The following KCNN2 variants were observed in gnomAD, a reference collection of about 807,000 sequenced individuals.
KCNN2 encodes potassium calcium-activated channel subfamily N member 2.
A neutral mutation model predicts 55.5 loss-of-function variants in KCNN2; 24 were observed. The observed-to-expected ratio is 0.43, with a 90% CI of 0.31 to 0.61. KCNN2 has a LOEUF of 0.61. KCNN2 is among the 20% of genes least tolerant of loss of function. The pLI, the probability that KCNN2 is intolerant of heterozygous loss-of-function variation, is 0.08. For synonymous variants in KCNN2, 431 were observed against 336.1 expected, an observed-to-expected ratio of 1.28 and a Z score of -3.09; for missense variants, 754 against 853.6, an observed-to-expected ratio of 0.88 and a Z score of 1.45.
chr5:114,475,962 G>A (rs1761945573), intron 5 of KCNN2, among the ~76,000 whole-genome samples: 2 of 152,062 alleles, frequency 1.3e-5, no homozygotes, highest in Admixed American at 6.6e-5. Context: ...TTTTCATTAA[G>A]TACTGTTCTG....
At position 114,333,503 on chromosome 5, in the gene KCNN2, T is replaced by C. The variant is rs111859753; in HGVS notation, c.-184-27442T>C. Among the ~76,000 whole-genome samples the C allele has an allele frequency of 7.7e-4, 118 of 152,304 alleles. 1 individual carries two copies. The East Asian group carries it at 0.013, about 16-fold the overall frequency. ...TCTATTTGATTTATCTGCGGTGTCA[T>C]AGGGACTGGCTTCCAATATTTTCTA... On this transcript the variant is annotated intron_variant, in intron 2 of 10. Transcript: ENST00000512097.
At chr5:114,370,876 G>C (rs560698551) in intron 2 of KCNN2, among the ~76,000 whole-genome samples, 1 of 152,148 alleles carries the variant, frequency 6.6e-6, no homozygotes, top group African/African-American at 2.4e-5. Context: ...AGCAGGCAAG[G>C]CTCATGATCC....
At chr5:114,449,913 CGCGCTCGCGT>C (rs529577016) in intron 3 of KCNN2, among the ~76,000 whole-genome samples, 4 of 149,572 alleles carry the variant, frequency 2.7e-5, no homozygotes, top group Non-Finnish European at 4.5e-5. Context: ...CACACACGCG[CGCGCTCGCGT>C]GCGCGCACTC....
At chr5:114,462,346 C>T (rs995159922) in intron 3 of KCNN2, among the ~76,000 whole-genome samples, 6 of 152,172 alleles carry the variant, frequency 3.9e-5, no homozygotes, top group Non-Finnish European at 7.3e-5. Flanking sequence ...TCCCTCTTTT[C>T]GACTGTAAGT....
At chr5:114,403,277 G>C (rs1216375005) in intron 2 of KCNN2, among the ~76,000 whole-genome samples, 1 of 152,104 alleles carries the variant, frequency 6.6e-6, no homozygotes, top group Admixed American at 6.5e-5. Flanking sequence ...GGGTCATTCA[G>C]GGTCAAGTTT....
chr5:114,132,030 C>T lies in KCNN2; in HGVS notation c.-271+75530C>T, dbSNP rs185812949. 6.3e-3 allele frequency among the ~76,000 whole-genome samples: 964 copies of T among 152,088 alleles called. 3 individuals are homozygous for T. Among genetic ancestry groups the T allele is most frequent in the Non-Finnish European group, 1.0e-2 (678 of 67,986 alleles). On this transcript the variant is annotated intron_variant, in intron 1 of 10. Coordinates refer to the KCNN2 transcript ENST00000512097. ...TTCCTTGTAGATTCTGGATATTAGACGTTTTGTCAGACGGATAGATTGCAA... is the reference window on the plus strand; with the variant it reads ...TTCCTTGTAGATTCTGGATATTAGATGTTTTGTCAGACGGATAGATTGCAA...
intron 1 of KCNN2, among the ~76,000 whole-genome samples, chr5:114,217,465 G>T (rs889960444): frequency 1.3e-5 from 2 of 152,012 alleles, no homozygotes; most frequent in Admixed American, 6.5e-5. Context: ...AGTCAACTAA[G>T]CAAATATAGT....
rs540408748 is a variant in KCNN2, at chr5:114,347,124, G to T, written c.-184-13821G>T. ...ATAATTTAGCTAATCAATATAGAAGGTATTATTAAAGGAGGATATCACCAT... is the reference window on the plus strand; with the variant it reads ...ATAATTTAGCTAATCAATATAGAAGTTATTATTAAAGGAGGATATCACCAT... On this transcript the variant is annotated intron_variant, in intron 2 of 10. Coordinates refer to the KCNN2 transcript ENST00000512097. Among the ~76,000 whole-genome samples, 3 of 152,120 alleles carry T rather than the reference G, an allele frequency of 2.0e-5. 1 individual carries two copies. The highest frequency in any genetic ancestry group is 2.1e-4 in the South Asian group (1 of 4,812).
rs191347704 is a variant in KCNN2 at position 114,342,091 on chromosome 5, C to T, written c.-184-18854C>T. Among the ~76,000 whole-genome samples, 554 of 152,014 alleles carry T rather than the reference C, an allele frequency of 3.6e-3. 4 individuals carry two copies. The highest frequency in any genetic ancestry group is 0.012 in the African/African-American group (514 of 41,470). On this transcript the variant is annotated intron_variant, in intron 2 of 10. Coordinates refer to the KCNN2 transcript ENST00000512097. ...TAATTTTTTGTATTTTTAGTAGAGA[C>T]GGGGTTTCGCCGTGTTAGCCAGGAT...
intron 1 of KCNN2, among the ~76,000 whole-genome samples, chr5:114,174,251 A>G (rs1311582839): frequency 6.6e-6 from 1 of 152,168 alleles, no homozygotes; most frequent in Non-Finnish European, 1.5e-5. Flanking sequence ...TTCATAAGAT[A>G]CATGAACCCT....
chr5:114,404,683 T>C lies in KCNN2; in HGVS notation c.1464T>C (p.His488=), dbSNP rs1758879923. Residue 488 remains histidine, a synonymous_variant, in exon 3 of 8, where the codon CAT becomes CAC. Transcript: ENST00000673685. ...LYLIARVMLL[H]SKLFTDASSR... The stretch of plus-strand genomic sequence containing the variant: ...TGATTGCCAGAGTCATGCTTTTACA[T>C]AGCAAACTTTTCACTGATGCCTCCT... The C allele has an allele frequency of 6.2e-7, 1 of 1,614,082 alleles. No homozygotes were observed. Among genetic ancestry groups the C allele is most frequent in the Non-Finnish European group, 8.5e-7 (1 of 1,179,982 alleles).
At chr5:114,408,789 A>G (rs1759026986) in intron 3 of KCNN2, among the ~76,000 whole-genome samples, 1 of 152,212 alleles carries the variant, frequency 6.6e-6, no homozygotes, top group Non-Finnish European at 1.5e-5. Context: ...AAAATAGTTC[A>G]TCTTAGCTGT....
intron 3 of KCNN2, among the ~76,000 whole-genome samples, chr5:114,419,048 G>C (rs1334383076): frequency 6.6e-6 from 1 of 152,198 alleles, no homozygotes; most frequent in South Asian, 2.1e-4. Context: ...GTTTTAGTTT[G>C]TATTAGAGAT....
At position 114,071,059 on chromosome 5, in the gene KCNN2, G is replaced by A. The variant is rs530857330; in HGVS notation, c.-271+14559G>A. ...TTTGATATGCTAGCCATATACATAT[G>A]TATGCATGTGAAATATATATTATCT... On this transcript the variant is annotated intron_variant, in intron 1 of 10. Coordinates refer to the KCNN2 transcript ENST00000512097. Among the ~76,000 whole-genome samples, 380 of 152,252 alleles carry A rather than the reference G, an allele frequency of 2.5e-3. 3 individuals carry two copies. The highest frequency in any genetic ancestry group is 4.4e-3 in the Non-Finnish European group (301 of 68,034).
intron 1 of KCNN2, among the ~76,000 whole-genome samples, chr5:114,129,696 C>T (rs561087737): frequency 3.0e-4 from 46 of 152,226 alleles, no homozygotes; most frequent in African/African-American, 1.1e-3. Flanking sequence ...ACCTGAGTTT[C>T]ACACGTGGTC....
chr5:114,303,448 AG>A (rs1195832051), intron 2 of KCNN2, among the ~76,000 whole-genome samples: 2 of 152,182 alleles, frequency 1.3e-5, no homozygotes, highest in African/African-American at 2.4e-5. Context: ...GTGTTGAAGT[AG>A]GAAGACTTTA....
At chr5:114,462,982 C>A in intron 3 of KCNN2, 67 bp from the exon 4 acceptor site, 2 of 1,466,358 alleles carry the variant, frequency 1.4e-6, no homozygotes, top group South Asian at 1.3e-5. Context: ...TGAATTGAAC[C>A]AAACCACACT....
chr5:114,271,770 T>C (rs1300594895), intron 2 of KCNN2, among the ~76,000 whole-genome samples: 1 of 152,186 alleles, frequency 6.6e-6, no homozygotes, highest in Non-Finnish European at 1.5e-5. Flanking sequence ...TCCAACATAG[T>C]GGTTAGAAGC....
chr5:114,282,954 A>G (rs768239505), intron 2 of KCNN2, among the ~76,000 whole-genome samples: 1 of 152,172 alleles, frequency 6.6e-6, no homozygotes, highest in Admixed American at 6.5e-5. Flanking sequence ...TGCTACTCCT[A>G]TGAATTTAAT....
Sources: allele counts gnomAD v4.1 joint callset (sites outside exome capture counted in the v4.1 genomes callset), GRCh38; gene constraint gnomAD v4.1.1; transcripts MANE v1.5; gene names NCBI Gene and HGNC (gene_info 2026-07-23, HGNC 2026-07-21).